Variants in TSPAN32 observed in about 807,000 individuals in gnomAD.
TSPAN32 encodes tetraspanin-32.
TSPAN32 carries 47 observed loss-of-function variants against 42.7 expected under a neutral mutation model. The ratio of observed to expected loss-of-function variants is 1.10; its 90% CI spans 0.87 to 1.40. TSPAN32 has a LOEUF of 1.40. Among genes scored for constraint, TSPAN32 ranks in the 40% most tolerant of loss-of-function variants. TSPAN32 has a pLI of 0.00. For synonymous variants in TSPAN32, 175 were observed against 175.9 expected (o/e 0.99, Z 0.04); for missense variants, 469 against 424.1 (o/e 1.11, Z -0.93).
At chr11:2,303,537 G>C (rs1035751936) in intron 2 of TSPAN32, 1 of 167,730 alleles carries the variant, frequency 6.0e-6, no homozygotes, top group Admixed American at 6.0e-5. Flanking sequence ...ATCTGCAGGG[G>C]ACTCTCAGGC....
At position 2,314,531 on chromosome 11, in the gene TSPAN32, C is replaced by A; in HGVS notation, c.503C>A (p.Thr168Lys). 6.2e-7 allele frequency: 1 copy of A among 1,612,374 alleles called. No homozygotes were observed. Among genetic ancestry groups the A allele is most frequent in the Non-Finnish European group, 8.5e-7 (1 of 1,179,374 alleles). ...TCTCCTTTCAGCCGTCTGGGGAGCA[C>A]AGAGGCTGACCTGTGTCAGGGAGAG... ...KKSPFSRLGS[T>K]EADLCQGEEA... Residue 168 changes from threonine (T) to lysine (K), a missense_variant, in exon 6 of 10, where the codon ACA becomes AAA. Transcript: ENST00000182290.
intron 4 of TSPAN32, among the ~76,000 whole-genome samples, chr11:2,311,128 G>C (rs1848433272): frequency 6.6e-6 from 1 of 152,190 alleles, no homozygotes; most frequent in South Asian, 2.1e-4. Context: ...CTGAACACAG[G>C]GTCAGGGTGA....
chr11:2,314,824 G>T (rs542494957), intron 6 of TSPAN32: 20 of 533,330 alleles, frequency 3.8e-5, no homozygotes, highest in Middle Eastern at 5.1e-4. Context: ...CCAGCTGGAC[G>T]CAGGCCCCAT....
chr11:2,306,653 G>C (rs1398019223), intron 3 of TSPAN32, among the ~76,000 whole-genome samples: 1 of 151,568 alleles, frequency 6.6e-6, no homozygotes, highest in Non-Finnish European at 1.5e-5. Context: ...AGCTGGCTCA[G>C]GGCCTCAAGC....
chr11:2,304,392 C>T lies in TSPAN32; in HGVS notation c.279+188C>T, dbSNP rs1251876996. On this transcript the variant is annotated intron_variant, in intron 3 of 9. Coordinates refer to ENST00000182290, the MANE Select transcript of TSPAN32 (RefSeq NM_139022.3). This position sits in a 1 kb window ranked among gnomAD's most constrained non-coding sequence, Gnocchi z 4.8. ...GAGTATCTAGGCAGAAACAGAGGCCCCAGGGATGCTAGCCAGCCGAGACCC... is the reference window on the plus strand; with the variant it reads ...GAGTATCTAGGCAGAAACAGAGGCCTCAGGGATGCTAGCCAGCCGAGACCC... 6.6e-6 allele frequency among the ~76,000 whole-genome samples: 1 copy of T among 152,048 alleles called. No homozygotes were observed. Among genetic ancestry groups the T allele is most frequent in the Non-Finnish European group, 1.5e-5 (1 of 67,976 alleles).
At chr11:2,315,616 G>C in intron 6 of TSPAN32, 1 of 1,181,298 alleles carries the variant, frequency 8.5e-7, no homozygotes, top group South Asian at 1.6e-5. Context: ...CTGCCTGCGG[G>C]GGACAGGAGG....
In TSPAN32 at chr11:2,302,976, C is replaced by T. The variant is rs746897010; in HGVS notation, c.181+18C>T. Reference sequence around the variant, plus strand: ...CCAATGGGGTAAGTGAGGTCCAGGCCTGGCTGCATCGGGAGGGGCCTCGGG... The same window carrying T: ...CCAATGGGGTAAGTGAGGTCCAGGCTTGGCTGCATCGGGAGGGGCCTCGGG... On this transcript the variant is annotated intron_variant, in intron 2 of 9. Transcript: ENST00000182290. 1.9e-6 allele frequency: 3 copies of T among 1,604,548 alleles called. No individual in the cohort carries two copies. The highest frequency in any genetic ancestry group is 2.6e-6 in the Non-Finnish European group (3 of 1,173,048).
At position 2,313,589 on chromosome 11, in the gene TSPAN32, G is replaced by C. The variant is rs1210383750; in HGVS notation, c.355-65G>C. On this transcript the variant is annotated intron_variant, in intron 4 of 9. Coordinates refer to ENST00000182290, the MANE Select transcript of TSPAN32 (RefSeq NM_139022.3). This position sits in a 1 kb window ranked among gnomAD's most constrained non-coding sequence, Gnocchi z 9.1. ...GCCCACTAGCGTTTGGGATGTCGTG[G>C]GGAGGGGGCTGTGTCCCCGGATCTC... 4.5e-6 allele frequency: 6 copies of C among 1,322,602 alleles called. No homozygotes were observed. In the Admixed American group the frequency reaches 1.2e-4, roughly 27 times the overall value. The allele number at this position is 1,322,602 out of a possible 1,614,324, so 81.9% of individuals were successfully genotyped here.
chr11:2,305,384 A>AGGGTGTGG (rs1848023525), intron 3 of TSPAN32, among the ~76,000 whole-genome samples: 1 of 122,650 alleles, frequency 8.2e-6, no homozygotes, highest in South Asian at 2.6e-4. Context: ...CCCCCCCCAG[A>AGGGTGTGG]GGGTGTGTGG....
intron 4 of TSPAN32, among the ~76,000 whole-genome samples, chr11:2,312,786 G>A (rs575731860): frequency 6.6e-6 from 1 of 152,322 alleles, no homozygotes; most frequent in African/African-American, 2.4e-5. Context: ...CCCCCTTCAT[G>A]TGTCTTGACT....
Position 2,302,123 on chromosome 11 carries a change from GGAGGA to G in TSPAN32, c.-11_-7del, listed in dbSNP as rs746834021. 2.8e-5 allele frequency: 42 copies of G among 1,483,448 alleles called. No homozygotes were observed. Among genetic ancestry groups the G allele is most frequent in the South Asian group, 1.3e-4 (9 of 69,232 alleles). 91.9% of individuals were successfully genotyped at this position (1,483,448 alleles called of 1,614,324 possible). On this transcript the variant is annotated 5_prime_UTR_variant, in exon 1 of 10. Transcript: ENST00000182290. ...GAAACCACAGGGAGGGGAAGGGAGG[GGAGGA>G]GAGGAGAGGAGAGGAACCGTCATGG... is the stretch of plus-strand genomic sequence containing the variant.
Position 2,316,667 on chromosome 11 carries a change from G to A in TSPAN32, c.719G>A (p.Arg240Gln), listed in dbSNP as rs371452736. 30 of 1,522,964 alleles carry A rather than the reference G, an allele frequency of 2.0e-5. No individual in the cohort carries two copies. Among genetic ancestry groups the A allele is most frequent in the South Asian group, 1.8e-4 (14 of 76,514 alleles). 94.3% of individuals were successfully genotyped at this position (1,522,964 alleles called of 1,614,324 possible). A position where few individuals can be genotyped will look rare whatever the true frequency, so the allele number is the denominator to read the frequency against. ...AAGGGCAAATACACCCTGACCCCAC[G>A]GTAGGGCCCCCTGCCTGCCCCCACA... is the stretch of plus-strand genomic sequence containing the variant. ...DRKGKYTLTP[R>Q]ACGRQPQEPS... is the part of the protein sequence containing the mutation. The change falls in exon 8 of 10, where the codon CGA becomes CAA. Residue 240 changes from arginine to glutamine, a missense_variant and splice_region_variant. Arg to Gln is a conservative substitution (Grantham distance 43). Transcript: ENST00000182290.
At position 2,313,753 on chromosome 11, in the gene TSPAN32, G is replaced by A. The variant is rs759043414; in HGVS notation, c.454G>A (p.Val152Met). The A allele has an allele frequency of 3.4e-5, 54 of 1,589,948 alleles. No homozygotes were observed. The highest frequency in any genetic ancestry group is 5.7e-5 in the South Asian group (5 of 87,748). ...RRQELAAIQD[V>M]FLCCGKKSPF... ...GCAGGAGCTGGCGGCCATCCAGGAC[G>A]TGGTGAGCGTGGGGACGGCTGGGTG... Residue 152 changes from valine (V) to methionine (M), a missense_variant and splice_region_variant, in exon 5 of 10, where the codon GTG becomes ATG. Coordinates refer to ENST00000182290, the MANE Select transcript of TSPAN32 (RefSeq NM_139022.3). The surrounding 1 kb of genome is among the most constrained non-coding windows in gnomAD (Gnocchi z 9.1).
In TSPAN32 at chr11:2,317,534, G is replaced by A. The variant is rs1351776744; in HGVS notation, c.901+9G>A. On this transcript the variant is annotated intron_variant, in intron 9 of 9. Coordinates refer to ENST00000182290, the MANE Select transcript of TSPAN32 (RefSeq NM_139022.3). The surrounding 1 kb of genome is among the most constrained non-coding windows in gnomAD (Gnocchi z 6.2). ...CCTGGCTGCCCACAGAGGTGAAGAC[G>A]CCCCTGCTGTCAGCCCTCATGGGAT... is the stretch of plus-strand genomic sequence containing the variant. The A allele has an allele frequency of 6.4e-6, 10 of 1,568,072 alleles. No homozygotes were observed. The highest frequency in any genetic ancestry group is 4.7e-5 in the East Asian group (2 of 42,918).
intron 4 of TSPAN32, among the ~76,000 whole-genome samples, chr11:2,311,899 C>T (rs1848481043): frequency 6.6e-6 from 1 of 152,228 alleles, no homozygotes; most frequent in Admixed American, 6.5e-5. Context: ...CCGTGGAGAG[C>T]AGCCGGCCCG....
rs575757473 is a variant in TSPAN32, at chr11:2,302,827, G to C, written c.67-17G>C. On this transcript the variant is annotated splice_polypyrimidine_tract_variant and intron_variant, in intron 1 of 9. Transcript: ENST00000182290. ...AGCAGTCCCATGCCCCACACTCTGA[G>C]TCTGCCCTATCCACAGCTGCTGGGC... 3.7e-5 allele frequency: 59 copies of C among 1,609,286 alleles called. No homozygotes were observed. Among genetic ancestry groups the C allele is most frequent in the Non-Finnish European group, 4.8e-5 (56 of 1,176,368 alleles).
At position 2,315,545 on chromosome 11, in the gene TSPAN32, A is replaced by C; in HGVS notation, c.544-684A>C. ...AGCCTCCTGGGGAGCCGGAAGAGCC[A>C]GCACAGGCGGCAGGCACGGAGCCAC... On this transcript the variant is annotated intron_variant, in intron 6 of 9. Transcript: ENST00000182290. 4.3e-6 allele frequency: 5 copies of C among 1,166,144 alleles called. No homozygotes were observed. In the South Asian group the frequency reaches 8.6e-5, roughly 20 times the overall value. The allele number at this position is 1,166,144 out of a possible 1,614,324, so 72.2% of individuals were successfully genotyped here. A position where few individuals can be genotyped will look rare whatever the true frequency, so the allele number is the denominator to read the frequency against.
At chr11:2,312,343 T>C (rs1163020970) in intron 4 of TSPAN32, among the ~76,000 whole-genome samples, 1 of 152,168 alleles carries the variant, frequency 6.6e-6, no homozygotes, top group Non-Finnish European at 1.5e-5. Flanking sequence ...TCCACCCCCA[T>C]TTCACACTCA....
chr11:2,302,945 T>A lies in TSPAN32; in HGVS notation c.168T>A (p.Ala56=). Residue 56 remains alanine (A), a synonymous_variant, in exon 2 of 10, where the codon GCT becomes GCA. Transcript: ENST00000182290. ...RASLEKNPYQ[A]VHQWAFSAGL... ...CCCTGGAGAAGAACCCGTACCAGGC[T>A]GTGCACCAATGGGGTAAGTGAGGTC... 1 of 1,613,426 alleles carries A rather than the reference T, an allele frequency of 6.2e-7. No homozygotes were observed. Among genetic ancestry groups the A allele is most frequent in the Non-Finnish European group, 8.5e-7 (1 of 1,179,698 alleles).
Sources: gnomAD v4.1 joint callset for allele counts (sites outside exome capture counted in the v4.1 genomes callset) on GRCh38, gnomAD v4.1.1 for gene constraint, Gnocchi (gnomAD v3.1) non-coding constraint, MANE v1.5 for transcripts, NCBI Gene and HGNC (gene_info 2026-07-23, HGNC 2026-07-21) for gene names.